Variants in PLCXD2 observed in about 807,000 individuals in gnomAD.
PLCXD2 encodes the protein phosphatidylinositol specific phospholipase C X domain containing 2, also known as PI-PLC X domain-containing protein 2.
PLCXD2 carries 21 observed loss-of-function variants against 28.6 expected under a neutral mutation model. That is an observed-to-expected ratio of 0.73 (90% CI 0.52 to 1.06). PLCXD2 has a LOEUF of 1.06. PLCXD2 is among the 50% of genes least tolerant of loss of function. PLCXD2 has a pLI of 0.00. For synonymous variants in PLCXD2, 140 were observed against 150.1 expected, an observed-to-expected ratio of 0.93 and a Z score of 0.49; for missense variants, 369 against 376.7, an observed-to-expected ratio of 0.98 and a Z score of 0.17.
At chr3:111,703,983 T>C (rs906872303) in intron 1 of PLCXD2, among the ~76,000 whole-genome samples, 6 of 152,218 alleles carry the variant, frequency 3.9e-5, no homozygotes, top group African/African-American at 9.6e-5. Context: ...AAAGCATTAT[T>C]TGATGGGTTT....
intron 1 of PLCXD2, 110 bp from the exon 2 acceptor site, chr3:111,707,816 A>C: frequency 1.0e-6 from 1 of 992,098 alleles, no homozygotes; most frequent in Non-Finnish European, 1.5e-6. Context: ...TTGCAGTTTT[A>C]GTATGTTATT....
At position 111,694,632 on chromosome 3, in the gene PLCXD2, G is replaced by A. The variant is rs949816620; in HGVS notation, c.164-13294G>A. Among the ~76,000 whole-genome samples, 3 of 152,170 alleles carry A rather than the reference G, an allele frequency of 2.0e-5. 1 individual carries two copies. Among genetic ancestry groups the A allele is most frequent in the Admixed American group, 2.0e-4 (3 of 15,276 alleles). On this transcript the variant is annotated intron_variant, in intron 1 of 4. Coordinates refer to ENST00000477665, the MANE Select transcript of PLCXD2 (RefSeq NM_001185106.1). ...TGTGGCCATGCCCCTCAACATGGCT[G>A]TACCTGGAAGCTCATAGTCCTGGCA...
intron 1 of PLCXD2, among the ~76,000 whole-genome samples, chr3:111,695,491 T>A (rs891408199): frequency 6.6e-6 from 1 of 152,244 alleles, no homozygotes; most frequent in Admixed American, 6.5e-5. Context: ...CACTTTGGGG[T>A]CATTCTCAAG....
chr3:111,714,024 G>A lies in PLCXD2; in HGVS notation c.762G>A (p.Arg254=), dbSNP rs1171998406. Residue 254 remains arginine (R), a synonymous_variant, in exon 3 of 5, where the codon CGG becomes CGA. Transcript: ENST00000477665. ...TCTTGGAGACCACTCTGAGTGAGCG[G>A]GCCTCACGGGGCTCCTTCCATGTCT... 1 of 1,613,986 alleles carries A rather than the reference G, an allele frequency of 6.2e-7. No individual in the cohort carries two copies. Among genetic ancestry groups the A allele is most frequent in the Non-Finnish European group, 8.5e-7 (1 of 1,180,028 alleles).
At chr3:111,703,939 G>C (rs1941081891) in intron 1 of PLCXD2, among the ~76,000 whole-genome samples, 1 of 151,952 alleles carries the variant, frequency 6.6e-6, no homozygotes, top group Non-Finnish European at 1.5e-5. Flanking sequence ...ATACTTACTG[G>C]ATAGCCTCTA....
chr3:111,702,013 A>C (rs1941050920), intron 1 of PLCXD2, among the ~76,000 whole-genome samples: 1 of 152,050 alleles, frequency 6.6e-6, no homozygotes, highest in East Asian at 1.9e-4. Context: ...GTAAGTTTGC[A>C]ACTTACAAGA....
At chr3:111,699,564 G>A (rs1941011747) in intron 1 of PLCXD2, among the ~76,000 whole-genome samples, 1 of 152,146 alleles carries the variant, frequency 6.6e-6, no homozygotes, top group African/African-American at 2.4e-5. Flanking sequence ...AGGCCAGCTA[G>A]CTCATTTTCT....
chr3:111,687,472 T>G (rs1385205615), intron 1 of PLCXD2, among the ~76,000 whole-genome samples: 1 of 152,216 alleles, frequency 6.6e-6, no homozygotes, highest in Non-Finnish European at 1.5e-5. Context: ...TTAATAACTT[T>G]GTAAATTAAT....
intron 2 of PLCXD2, among the ~76,000 whole-genome samples, chr3:111,711,332 A>G (rs948440103): frequency 1.3e-5 from 2 of 152,248 alleles, no homozygotes; most frequent in African/African-American, 2.4e-5. Flanking sequence ...TGAACCCAGG[A>G]GGCAGAGGTT....
intron 1 of PLCXD2, among the ~76,000 whole-genome samples, chr3:111,691,829 G>T (rs1339040784): frequency 6.6e-6 from 1 of 152,198 alleles, no homozygotes; most frequent in Non-Finnish European, 1.5e-5. Flanking sequence ...TCTGTAAAAT[G>T]CAGGTAATCA....
At chr3:111,680,812 G>A (rs745808306) in intron 1 of PLCXD2, among the ~76,000 whole-genome samples, 1 of 152,148 alleles carries the variant, frequency 6.6e-6, no homozygotes, top group Non-Finnish European at 1.5e-5. Flanking sequence ...TAACCTCTCT[G>A]TGCCTCAGTG....
intron 1 of PLCXD2, chr3:111,677,315 T>C (rs1475145012): frequency 1.3e-5 from 2 of 152,180 alleles, no homozygotes; most frequent in Non-Finnish European, 1.5e-5. Flanking sequence ...ACTAGTTCTC[T>C]TTCCTCTACC....
chr3:111,685,089 T>C (rs1157675415), intron 1 of PLCXD2, among the ~76,000 whole-genome samples: 1 of 152,054 alleles, frequency 6.6e-6, no homozygotes, highest in African/African-American at 2.4e-5. Context: ...CATTTCAGAA[T>C]TGGGAGAAGG....
intron 1 of PLCXD2, among the ~76,000 whole-genome samples, chr3:111,684,961 G>C (rs973337142): frequency 1.3e-5 from 2 of 152,156 alleles, no homozygotes; most frequent in Non-Finnish European, 2.9e-5. Context: ...TTGGGTGAGA[G>C]AGAGGAAGTT....
chr3:111,675,259 G>C lies in PLCXD2; in HGVS notation c.14G>C (p.Arg5Thr). The change falls in exon 1 of 5, where the codon AGG (arginine) becomes ACG (threonine). Residue 5 changes from arginine (R) to threonine (T), a missense_variant. Arg to Thr is a moderately conservative substitution (Grantham distance 71). Coordinates refer to ENST00000477665, the MANE Select transcript of PLCXD2 (RefSeq NM_001185106.1). ...TTAACAACAGGGATGCTAGCAGTTAGGAAGGCCAGGAGGAAACTCAGGATG... is the reference window on the plus strand; with the variant it reads ...TTAACAACAGGGATGCTAGCAGTTACGAAGGCCAGGAGGAAACTCAGGATG... 2 of 1,613,960 alleles carry C rather than the reference G, an allele frequency of 1.2e-6. No individual in the cohort carries two copies. Among genetic ancestry groups the C allele is most frequent in the South Asian group, 1.1e-5 (1 of 91,078 alleles).
intron 2 of PLCXD2, among the ~76,000 whole-genome samples, chr3:111,712,135 G>A (rs969674117): frequency 2.6e-5 from 4 of 152,138 alleles, no homozygotes; most frequent in East Asian, 1.9e-4. Context: ...TTGCAAGGCC[G>A]GCCTCCCCCT....
intron 3 of PLCXD2, among the ~76,000 whole-genome samples, chr3:111,716,082 A>G (rs1402269150): frequency 1.3e-5 from 2 of 152,230 alleles, no homozygotes; most frequent in Non-Finnish European, 2.9e-5. Flanking sequence ...CAGCAAGCCA[A>G]TGTCCCCAAG....
At chr3:111,689,721 G>A (rs908108533) in intron 1 of PLCXD2, among the ~76,000 whole-genome samples, 1 of 151,934 alleles carries the variant, frequency 6.6e-6, no homozygotes, top group Non-Finnish European at 1.5e-5. Context: ...GGGAAAGATG[G>A]AATCTTGAAA....
intron 1 of PLCXD2, among the ~76,000 whole-genome samples, chr3:111,701,321 A>G (rs1941038999): frequency 1.3e-5 from 2 of 152,210 alleles, no homozygotes; most frequent in African/African-American, 2.4e-5. Flanking sequence ...AACTTACTCA[A>G]TATGGGTTAC....
Sources: gnomAD v4.1 joint callset for allele counts (sites outside exome capture counted in the v4.1 genomes callset) on GRCh38, gnomAD v4.1.1 for gene constraint, MANE v1.5 for transcripts, NCBI Gene and HGNC (gene_info 2026-07-23, HGNC 2026-07-21) for gene names.